FNDC3A: variants seen among roughly 807,000 people sequenced by gnomAD.
The protein encoded by FNDC3A is fibronectin type-III domain-containing protein 3A.
In FNDC3A, 32 loss-of-function variants were observed where a neutral mutation model predicts 148.9. The ratio of observed to expected loss-of-function variants is 0.21; its 90% CI spans 0.16 to 0.29. The LOEUF (loss-of-function observed/expected upper bound fraction) is 0.29, where lower values mean the gene tolerates loss of function less well. FNDC3A is among the 10% of genes least tolerant of loss of function. The pLI is 1.00. For synonymous variants in FNDC3A, 472 were observed against 473.6 expected, an observed-to-expected ratio of 1.00 and a Z score of 0.04; for missense variants, 1,191 against 1,452.8, an observed-to-expected ratio of 0.82 and a Z score of 2.93.
chr13:49,041,193 C>T (rs747082806), intron 2 of FNDC3A, among the ~76,000 whole-genome samples: 3 of 152,008 alleles, frequency 2.0e-5, no homozygotes, highest in Non-Finnish European at 4.4e-5. Flanking sequence ...GGCATGTTGG[C>T]GAAAGTACAT....
intron 3 of FNDC3A, among the ~76,000 whole-genome samples, chr13:49,109,363 C>T (rs1880402028): frequency 6.6e-6 from 1 of 152,170 alleles, no homozygotes; most frequent in Non-Finnish European, 1.5e-5. Context: ...CAGAGAAGAG[C>T]AGTAAATTGC....
At chr13:48,977,556 AT>A in intron 1 of FNDC3A, among the ~76,000 whole-genome samples, 1 of 152,300 alleles carries the variant, frequency 6.6e-6, no homozygotes, top group East Asian at 1.9e-4. Context: ...TCTTTTGGAT[AT>A]TTTCTTGGTT....
At chr13:49,083,007 A>T (rs1878580122) in intron 3 of FNDC3A, among the ~76,000 whole-genome samples, 1 of 152,088 alleles carries the variant, frequency 6.6e-6, no homozygotes, top group African/African-American at 2.4e-5. Context: ...CAATCTGGGG[A>T]TGTATTAGAG....
At chr13:49,014,635 G>T (rs1437331828) in intron 2 of FNDC3A, among the ~76,000 whole-genome samples, 7 of 150,696 alleles carry the variant, frequency 4.6e-5, no homozygotes, top group South Asian at 2.1e-4. Flanking sequence ...GGCTTTTGTT[G>T]CCATTGCTTT....
intron 1 of FNDC3A, among the ~76,000 whole-genome samples, chr13:48,985,302 G>T (rs750512261): frequency 2.0e-5 from 3 of 152,192 alleles, no homozygotes; most frequent in Non-Finnish European, 2.9e-5. Context: ...CTATTGAACC[G>T]AATATAAATA....
chr13:49,130,243 G>A (rs202175515), intron 4 of FNDC3A, among the ~76,000 whole-genome samples: 1 of 149,458 alleles, frequency 6.7e-6, no homozygotes, highest in African/African-American at 2.5e-5. Context: ...TTTTTTTTTA[G>A]TTTGTAATTT....
At chr13:49,122,984 A>T (rs1283842408) in intron 4 of FNDC3A, among the ~76,000 whole-genome samples, 1 of 152,210 alleles carries the variant, frequency 6.6e-6, no homozygotes, top group Non-Finnish European at 1.5e-5. Context: ...TCTTCACAGA[A>T]TTAGAAAAAC....
chr13:49,185,943 G>A (rs557563742), intron 14 of FNDC3A, 21 bp from the exon 15 acceptor site: 1 of 1,590,048 alleles, frequency 6.3e-7, no homozygotes, highest in East Asian at 2.2e-5. Context: ...ATTATTTAAT[G>A]TCTTTCTGTT....
intron 3 of FNDC3A, among the ~76,000 whole-genome samples, chr13:49,091,906 C>G (rs1442824131): frequency 4.6e-5 from 7 of 152,238 alleles, no homozygotes; most frequent in African/African-American, 1.7e-4. Flanking sequence ...GCACCCAGTT[C>G]ATGATGGGCA....
chr13:48,976,445 C>A (rs963507238), intron 1 of FNDC3A, among the ~76,000 whole-genome samples: 5 of 152,140 alleles, frequency 3.3e-5, no homozygotes, highest in African/African-American at 1.2e-4. Flanking sequence ...GACACGCTTG[C>A]GGGGGCGCGG....
intron 7 of FNDC3A, among the ~76,000 whole-genome samples, chr13:49,144,166 AC>A (rs1305144286): frequency 9.2e-5 from 14 of 152,118 alleles, no homozygotes. Flanking sequence ...TTATGGGTAT[AC>A]ATACATGTAT....
In FNDC3A at chr13:49,128,402, A is replaced by G. The variant is rs937913826; in HGVS notation, c.253-2735A>G. Among the ~76,000 whole-genome samples, 6 of 152,168 alleles carry G rather than the reference A, an allele frequency of 3.9e-5. No homozygotes were observed. The East Asian group carries it at 1.2e-3, about 29-fold the overall frequency. On this transcript the variant is annotated intron_variant, in intron 4 of 25. Coordinates refer to ENST00000492622, the MANE Select transcript of FNDC3A (RefSeq NM_001079673.2). Reference sequence around the variant, plus strand: ...CAGGAATTCTCAACCATAGTAATGTAAACATTTGAGGTGGGGTGATGTTTT... The same window carrying G: ...CAGGAATTCTCAACCATAGTAATGTGAACATTTGAGGTGGGGTGATGTTTT...
chr13:49,028,770 T>G (rs1873909291), intron 2 of FNDC3A, among the ~76,000 whole-genome samples: 1 of 152,070 alleles, frequency 6.6e-6, no homozygotes, highest in Admixed American at 6.6e-5. Context: ...ATGGGAGAAA[T>G]AGACAATTGA....
intron 19 of FNDC3A, among the ~76,000 whole-genome samples, chr13:49,194,087 C>A (rs1163079092): frequency 6.6e-6 from 1 of 152,026 alleles, no homozygotes; most frequent in East Asian, 1.9e-4. Context: ...ATCGGGAAAC[C>A]CCATATCTAC....
chr13:49,070,978 A>C (rs1157441554), intron 2 of FNDC3A, among the ~76,000 whole-genome samples: 2 of 144,376 alleles, frequency 1.4e-5, no homozygotes, highest in African/African-American at 2.6e-5. Flanking sequence ...AGCTCACTAC[A>C]GTCTTGACCT....
Position 49,198,594 on chromosome 13 carries a change from T to C in FNDC3A, c.2987+20T>C. 1 of 1,562,936 alleles carries C rather than the reference T, an allele frequency of 6.4e-7. No homozygotes were observed. Among genetic ancestry groups the C allele is most frequent in the South Asian group, 1.1e-5 (1 of 89,992 alleles). ...TGGACGGTAGGTTTTTTTAATTGCT[T>C]CTTTATATAGTTTCTTAGGTCTTAA... On this transcript the variant is annotated intron_variant, in intron 23 of 25. Coordinates refer to ENST00000492622, the MANE Select transcript of FNDC3A (RefSeq NM_001079673.2).
At chr13:48,985,523 G>A (rs975001354) in intron 1 of FNDC3A, among the ~76,000 whole-genome samples, 3 of 152,044 alleles carry the variant, frequency 2.0e-5, no homozygotes, top group African/African-American at 7.2e-5. Context: ...TTAAATTATG[G>A]TGTGCCCTTA....
chr13:49,043,283 C>T (rs146480003), intron 2 of FNDC3A, among the ~76,000 whole-genome samples: 7 of 152,208 alleles, frequency 4.6e-5, no homozygotes, highest in African/African-American at 1.7e-4. Flanking sequence ...TATTTTTAAG[C>T]TGTTAAAAAA....
At chr13:48,997,014 G>T (rs967664586) in intron 1 of FNDC3A, among the ~76,000 whole-genome samples, 2 of 150,860 alleles carry the variant, frequency 1.3e-5, no homozygotes, top group African/African-American at 2.4e-5. Context: ...AGCGGGCGGA[G>T]ATCGCACCAT....
Sources: gnomAD v4.1 joint callset for allele counts (sites outside exome capture counted in the v4.1 genomes callset) on GRCh38, gnomAD v4.1.1 for gene constraint, MANE v1.5 for transcripts, NCBI Gene and HGNC (gene_info 2026-07-23, HGNC 2026-07-21) for gene names.